The following MICU2 variants were observed in gnomAD, a reference collection of about 807,000 sequenced individuals.
MICU2 encodes mitochondrial calcium uptake 2.
A neutral mutation model predicts 60.4 loss-of-function variants in MICU2; 64 were observed. The observed-to-expected ratio is 1.06, with a 90% CI of 0.87 to 1.31. The LOEUF (loss-of-function observed/expected upper bound fraction) is 1.31. MICU2 is among the 50% of genes most tolerant of loss of function. The probability of loss-of-function intolerance (pLI) is 0.00; values close to 1 mark genes in which losing one functional copy is unlikely to be tolerated. For missense variants in MICU2, 569 were observed against 531.0 expected (o/e 1.07, Z -0.70); for synonymous variants, 201 against 175.0 (o/e 1.15, Z -1.17).
chr13:21,585,389 G>T (rs1888434624), intron 1 of MICU2, among the ~76,000 whole-genome samples: 1 of 152,090 alleles, frequency 6.6e-6, no homozygotes, highest in African/African-American at 2.4e-5. Flanking sequence ...TTAAACTTCT[G>T]TATGTTGCTA....
At chr13:21,573,296 C>A (rs555186198) in intron 1 of MICU2, among the ~76,000 whole-genome samples, 5 of 150,968 alleles carry the variant, frequency 3.3e-5, no homozygotes, top group Non-Finnish European at 7.4e-5. Flanking sequence ...TTTTTTGAGA[C>A]GGAGTCTCAC....
Position 21,566,961 on chromosome 13 carries a change from T to C in MICU2, c.211-17A>G, listed in dbSNP as rs775566916. 6.3e-7 allele frequency: 1 copy of C among 1,585,412 alleles called. No homozygotes were observed. The highest frequency in any genetic ancestry group is 1.1e-5 in the South Asian group (1 of 87,388). ...AACATTTTTCTAAAAGAAAAATAAA[T>C]TGCAATTGAAGATTTTTTCAGTGTT... On this transcript the variant is annotated splice_polypyrimidine_tract_variant and intron_variant, in intron 1 of 11. Coordinates refer to ENST00000382374, the MANE Select transcript of MICU2 (RefSeq NM_152726.3).
rs368894797 is a variant in MICU2, at chr13:21,576,383, T to G, written c.211-9439A>C. 1.2e-4 allele frequency among the ~76,000 whole-genome samples: 18 copies of G among 152,234 alleles called. 1 individual carries two copies. The highest frequency in any genetic ancestry group is 4.1e-4 in the African/African-American group (17 of 41,546). ...CCATGCAAAAAGACTTCCTGGAAAC[T>G]GAGAACTTCAAGTAAGTGGTGCTAT... On this transcript the variant is annotated intron_variant, in intron 1 of 11. Coordinates refer to ENST00000382374, the MANE Select transcript of MICU2 (RefSeq NM_152726.3).
intron 1 of MICU2, among the ~76,000 whole-genome samples, chr13:21,586,577 T>A (rs79709206): frequency 1.3e-5 from 2 of 152,084 alleles, no homozygotes; most frequent in Non-Finnish European, 2.9e-5. Flanking sequence ...CTGGCCATTT[T>A]TTTTTCTATT....
intron 9 of MICU2, among the ~76,000 whole-genome samples, chr13:21,499,673 G>A (rs1886094858): frequency 6.6e-6 from 1 of 151,132 alleles, no homozygotes. Context: ...GCCTCCCAAA[G>A]TGCTGGGATT....
intron 1 of MICU2, among the ~76,000 whole-genome samples, chr13:21,594,743 C>T (rs1054622105): frequency 5.3e-5 from 8 of 152,140 alleles, no homozygotes; most frequent in Admixed American, 2.6e-4. Context: ...ATGGATGAAG[C>T]TGGAAGCCAT....
At chr13:21,518,043 T>C (rs1337316914) in intron 6 of MICU2, among the ~76,000 whole-genome samples, 2 of 152,164 alleles carry the variant, frequency 1.3e-5, no homozygotes, top group Non-Finnish European at 2.9e-5. Context: ...AAAAACAAAA[T>C]CAATGATGTA....
intron 4 of MICU2, among the ~76,000 whole-genome samples, chr13:21,528,448 T>A (rs1026320743): frequency 6.6e-5 from 10 of 152,198 alleles, no homozygotes; most frequent in Non-Finnish European, 1.5e-4. Context: ...AAGTAACTGT[T>A]GTCTTTCCTC....
intron 4 of MICU2, among the ~76,000 whole-genome samples, chr13:21,538,786 C>T (rs1418746696): frequency 6.6e-6 from 1 of 152,014 alleles, no homozygotes. Flanking sequence ...AAGGGGGGTC[C>T]TGGAATCAAT....
intron 1 of MICU2, among the ~76,000 whole-genome samples, chr13:21,589,294 T>TGAGGGAATAAG: frequency 6.6e-6 from 1 of 152,188 alleles, no homozygotes; most frequent in East Asian, 1.9e-4. Context: ...CTCACAGCCG[T>TGAGGGAATAAG]AATGGGTGTA....
chr13:21,540,304 C>CTT (rs11407300), intron 2 of MICU2, among the ~76,000 whole-genome samples: 11 of 151,722 alleles, frequency 7.3e-5, no homozygotes, highest in East Asian at 1.9e-4. Context: ...TACATTGTTT[C>CTT]TTTTTTTTAG....
At chr13:21,551,303 A>C (rs1231705816) in intron 2 of MICU2, 1 of 152,436 alleles carries the variant, frequency 6.6e-6, no homozygotes, top group East Asian at 1.9e-4. Flanking sequence ...TACATTTAAA[A>C]AAATAAATGG....
chr13:21,514,221 TGTG>T, intron 7 of MICU2, 129 bp downstream of exon 7: 1 of 653,702 alleles, frequency 1.5e-6, no homozygotes, highest in South Asian at 2.1e-5. Context: ...TGAAAAGTTA[TGTG>T]GTGCATGACT....
At chr13:21,603,813 C>G (rs1249002220) in intron 1 of MICU2, 126 bp downstream of exon 1, 9 of 1,094,256 alleles carry the variant, frequency 8.2e-6, no homozygotes, top group South Asian at 7.8e-5. Flanking sequence ...CAGGGCGCTC[C>G]GATCCGCAGC....
intron 8 of MICU2, among the ~76,000 whole-genome samples, chr13:21,509,286 T>A (rs191060786): frequency 6.6e-6 from 1 of 152,336 alleles, no homozygotes; most frequent in African/African-American, 2.4e-5. Context: ...ACCTTTTAGA[T>A]AAAGAAATGA....
chr13:21,553,969 CAAG>C (rs1184409127), intron 2 of MICU2, among the ~76,000 whole-genome samples: 1 of 152,170 alleles, frequency 6.6e-6, no homozygotes, highest in Admixed American at 6.5e-5. Context: ...ATCAATTCAA[CAAG>C]AAGAACTAAC....
At chr13:21,558,315 A>C (rs1414606021) in intron 2 of MICU2, among the ~76,000 whole-genome samples, 2 of 152,172 alleles carry the variant, frequency 1.3e-5, no homozygotes, top group Non-Finnish European at 2.9e-5. Flanking sequence ...CAAGATGTTA[A>C]GCTCCACTAA....
At chr13:21,603,774 G>T in intron 1 of MICU2, 165 bp downstream of exon 1, 1 of 762,298 alleles carries the variant, frequency 1.3e-6, no homozygotes, top group Non-Finnish European at 2.1e-6. Flanking sequence ...CCGGGGGCCG[G>T]TCCAGGAAGG....
chr13:21,563,669 A>G (rs1002204943), intron 2 of MICU2, among the ~76,000 whole-genome samples: 3 of 151,504 alleles, frequency 2.0e-5, no homozygotes, highest in Non-Finnish European at 4.4e-5. Flanking sequence ...TTTATAACTG[A>G]CTCACAGTTT....
Sources: allele counts gnomAD v4.1 joint callset (sites outside exome capture counted in the v4.1 genomes callset), GRCh38; gene constraint gnomAD v4.1.1; transcripts MANE v1.5; gene names NCBI Gene and HGNC (gene_info 2026-07-23, HGNC 2026-07-21).